ADCY8: variants seen among roughly 807,000 people sequenced by gnomAD.
ADCY8 encodes the protein adenylate cyclase type 8.
In ADCY8, 51 loss-of-function variants were observed where a neutral mutation model predicts 119.7. The ratio of observed to expected loss-of-function variants is 0.43; its 90% CI spans 0.34 to 0.54. The LOEUF (loss-of-function observed/expected upper bound fraction) is 0.54. Ranked by LOEUF, ADCY8 falls within the 20% of genes least tolerant of loss-of-function variation. The pLI, the probability that ADCY8 is intolerant of heterozygous loss-of-function variation, is 0.03. For synonymous variants in ADCY8, 665 were observed against 651.0 expected, an observed-to-expected ratio of 1.02 and a Z score of -0.33; for missense variants, 1,383 against 1,598.8, an observed-to-expected ratio of 0.87 and a Z score of 2.30.
rs898828764 is a variant in ADCY8, at chr8:130,791,721, CAT to C, written c.3061-6248_3061-6247del. Reference sequence around the variant, plus strand: ...CCACTTACCTGCACCTGTGTGCACACATGTGCCTCTCTCCAGGTGTGGGGAGG... The same window carrying C: ...CCACTTACCTGCACCTGTGTGCACACGTGCCTCTCTCCAGGTGTGGGGAGG... On this transcript the variant is annotated intron_variant, in intron 15 of 17. Coordinates refer to ENST00000286355, the MANE Select transcript of ADCY8 (RefSeq NM_001115.3). Among the ~76,000 whole-genome samples the C allele has an allele frequency of 5.4e-4, 83 of 152,322 alleles. No homozygotes were observed. The East Asian group carries it at 0.013, about 25-fold the overall frequency.
chr8:131,033,649 A>G (rs1268685873), intron 1 of ADCY8, among the ~76,000 whole-genome samples: 1 of 152,134 alleles, frequency 6.6e-6, no homozygotes, highest in African/African-American at 2.4e-5. Context: ...CAACAAGCCT[A>G]TTTGCAACTC....
intron 12 of ADCY8, among the ~76,000 whole-genome samples, chr8:130,826,417 T>G (rs113857468): frequency 6.6e-6 from 1 of 152,272 alleles, no homozygotes; most frequent in Non-Finnish European, 1.5e-5. Flanking sequence ...TAAAACAATT[T>G]TAGGTCAGAA....
At chr8:131,036,491 A>G (rs1824158942) in intron 1 of ADCY8, among the ~76,000 whole-genome samples, 1 of 152,156 alleles carries the variant, frequency 6.6e-6, no homozygotes, top group South Asian at 2.1e-4. Context: ...AGTACCTGCT[A>G]TATGTCTGGC....
intron 1 of ADCY8, among the ~76,000 whole-genome samples, chr8:131,020,451 C>T (rs753346601): frequency 6.6e-6 from 1 of 152,108 alleles, no homozygotes; most frequent in Non-Finnish European, 1.5e-5. Context: ...GCCTTCTGAG[C>T]TTTCTGTCTT....
chr8:130,817,443 G>A (rs998677505), intron 13 of ADCY8, among the ~76,000 whole-genome samples: 3 of 152,240 alleles, frequency 2.0e-5, no homozygotes, highest in Non-Finnish European at 4.4e-5. Context: ...TCTTTTCAGA[G>A]GTGCCCAAAT....
chr8:130,836,735 C>CT (rs1445624232), intron 11 of ADCY8, among the ~76,000 whole-genome samples: 2 of 151,896 alleles, frequency 1.3e-5, no homozygotes, highest in Non-Finnish European at 2.9e-5. Flanking sequence ...GTAGATTCTA[C>CT]TTTTTTTTGT....
intron 2 of ADCY8, among the ~76,000 whole-genome samples, chr8:130,956,128 G>T (rs1222344686): frequency 6.6e-6 from 1 of 152,120 alleles, no homozygotes; most frequent in East Asian, 1.9e-4. Context: ...CTGGTCAACA[G>T]AGAAAGACCC....
chr8:131,008,296 C>T (rs1019187867), intron 1 of ADCY8, among the ~76,000 whole-genome samples: 3 of 152,236 alleles, frequency 2.0e-5, no homozygotes, highest in Non-Finnish European at 2.9e-5. Flanking sequence ...AATCCAACCT[C>T]GAATGGTAAT....
rs1196167746 is a variant in ADCY8 at position 130,800,423 on chromosome 8, T to C, written c.3060+3A>G. 1.1e-5 allele frequency: 17 copies of C among 1,614,086 alleles called. No homozygotes were observed. The highest frequency in any genetic ancestry group is 1.4e-5 in the Non-Finnish European group (16 of 1,180,032). On this transcript the variant is annotated splice_donor_region_variant and intron_variant, in intron 15 of 17. Transcript: ENST00000286355. ...ATTGTAAATGTCTCAGGCTTAGATT[T>C]ACCTCATCGAAGTCAGCAATGATCT...
At chr8:131,037,835 C>T (rs1242349813) in intron 1 of ADCY8, among the ~76,000 whole-genome samples, 1 of 152,190 alleles carries the variant, frequency 6.6e-6, no homozygotes, top group Admixed American at 6.5e-5. Context: ...AAGAATTTGA[C>T]TTCCACTTCC....
At chr8:130,899,035 C>T (rs190630192) in intron 7 of ADCY8, among the ~76,000 whole-genome samples, 5 of 152,296 alleles carry the variant, frequency 3.3e-5, no homozygotes, top group Non-Finnish European at 5.9e-5. Flanking sequence ...ACTCCTTTTC[C>T]CTGCTCACTA....
intron 1 of ADCY8, among the ~76,000 whole-genome samples, chr8:131,017,945 T>C (rs1311589172): frequency 1.3e-5 from 2 of 152,184 alleles, no homozygotes; most frequent in African/African-American, 4.8e-5. Flanking sequence ...ATCTGATACA[T>C]CAAATATCAG....
chr8:130,814,653 G>A lies in ADCY8; in HGVS notation c.2755-426C>T, dbSNP rs1303786460. ...CCTCACAATCATGGTGGAAGATGAA[G>A]GAAGAGCAAAGGAACCTCTTACATG... is the stretch of plus-strand genomic sequence containing the variant. On this transcript the variant is annotated intron_variant, in intron 13 of 17. Transcript: ENST00000286355. 2.6e-5 allele frequency among the ~76,000 whole-genome samples: 4 copies of A among 152,186 alleles called. No homozygotes were observed. In the South Asian group the frequency reaches 6.2e-4, roughly 24 times the overall value.
At chr8:130,976,990 G>T (rs954574940) in intron 2 of ADCY8, among the ~76,000 whole-genome samples, 1 of 152,144 alleles carries the variant, frequency 6.6e-6, no homozygotes, top group African/African-American at 2.4e-5. Context: ...GTCCCATCGC[G>T]CAGGACATCA....
chr8:130,905,758 G>T (rs2130537514), intron 6 of ADCY8, among the ~76,000 whole-genome samples: 1 of 152,268 alleles, frequency 6.6e-6, no homozygotes, highest in South Asian at 2.1e-4. Flanking sequence ...TACTTGAGAG[G>T]CTGAGGTGGG....
At chr8:131,035,586 G>A (rs1824128404) in intron 1 of ADCY8, among the ~76,000 whole-genome samples, 1 of 152,268 alleles carries the variant, frequency 6.6e-6, no homozygotes, top group South Asian at 2.1e-4. Context: ...TGTCTGCAGA[G>A]ATTTTCAGTG....
chr8:130,780,911 G>C (rs7824494), intron 17 of ADCY8, 34 bp from the exon 18 acceptor site: 214,526 of 1,603,258 alleles, frequency 0.13, 17,701 homozygotes, highest in East Asian at 0.37. Context: ...AGAAGTCAGA[G>C]GGAGAAGGGG....
intron 8 of ADCY8, among the ~76,000 whole-genome samples, chr8:130,875,275 T>C (rs529396861): frequency 9.2e-5 from 14 of 152,292 alleles, no homozygotes; most frequent in African/African-American, 3.1e-4. Flanking sequence ...CCTTCACATC[T>C]GAAGGAGGAG....
At chr8:130,992,402 T>TG in intron 1 of ADCY8, among the ~76,000 whole-genome samples, 5 of 29,798 alleles carry the variant, frequency 1.7e-4, no homozygotes, top group African/African-American at 6.8e-4. Flanking sequence ...TATATATATA[T>TG]ATATATATAT....
Sources: allele counts gnomAD v4.1 joint callset (sites outside exome capture counted in the v4.1 genomes callset), GRCh38; gene constraint gnomAD v4.1.1; transcripts MANE v1.5; gene names NCBI Gene and HGNC (gene_info 2026-07-23, HGNC 2026-07-21).